RUBCN: variants seen among roughly 807,000 people sequenced by gnomAD.
RUBCN encodes rubicon autophagy regulator, also known as run domain Beclin-1-interacting and cysteine-rich domain-containing protein.
In RUBCN, 74 loss-of-function variants were observed where a neutral mutation model predicts 113.2. That is an observed-to-expected ratio of 0.65 (90% CI 0.54 to 0.79). The LOEUF (loss-of-function observed/expected upper bound fraction) is 0.79. Ranked by LOEUF, RUBCN falls within the 30% of genes least tolerant of loss-of-function variation. RUBCN has a pLI of 0.00. For missense variants in RUBCN, 1,109 were observed against 1,251.7 expected, an observed-to-expected ratio of 0.89 and a Z score of 1.72; for synonymous variants, 480 against 490.0, an observed-to-expected ratio of 0.98 and a Z score of 0.27.
chr3:197,692,135 G>A (rs1722491898), intron 11 of RUBCN, among the ~76,000 whole-genome samples: 1 of 151,972 alleles, frequency 6.6e-6, no homozygotes, highest in African/African-American at 2.4e-5. Context: ...AGGGGAGAGG[G>A]ATCGAAGACT....
chr3:197,749,458 G>A (rs1303296194), exon 1 of RUBCN: 6 of 1,268,692 alleles, frequency 4.7e-6, no homozygotes, highest in South Asian at 3.8e-5. Context: ...GCTGTAGGTG[G>A]AGGAGCGTGC....
intron 18 of RUBCN, chr3:197,676,487 T>C: frequency 4.6e-6 from 3 of 653,472 alleles, no homozygotes; most frequent in Non-Finnish European, 6.0e-6. Context: ...CTAATTTCTG[T>C]ATTTTAGTAG....
intron 2 of RUBCN, among the ~76,000 whole-genome samples, chr3:197,715,963 G>A (rs1725469240): frequency 6.6e-6 from 1 of 151,890 alleles, no homozygotes; most frequent in Non-Finnish European, 1.5e-5. Flanking sequence ...AGAATCACAG[G>A]AAGAGCTGAT....
At chr3:197,693,170 A>G (rs994943437) in intron 11 of RUBCN, among the ~76,000 whole-genome samples, 8 of 152,162 alleles carry the variant, frequency 5.3e-5, no homozygotes, top group African/African-American at 1.7e-4. Context: ...CTGTTCCTCT[A>G]TGCTGATACT....
intron 16 of RUBCN, among the ~76,000 whole-genome samples, 197 bp from the exon 17 acceptor site, chr3:197,677,738 C>T (rs1336453258): frequency 2.6e-5 from 4 of 151,948 alleles, no homozygotes; most frequent in African/African-American, 7.3e-5. Flanking sequence ...GATTGTCCCA[C>T]ACTCTGACTG....
chr3:197,717,758 T>G (rs1725707696), intron 2 of RUBCN, among the ~76,000 whole-genome samples: 1 of 152,202 alleles, frequency 6.6e-6, no homozygotes, highest in Non-Finnish European at 1.5e-5. Flanking sequence ...AATCTTTTGT[T>G]GCTGATTTGC....
At chr3:197,733,297 ACT>A (rs1580393781) in intron 1 of RUBCN, among the ~76,000 whole-genome samples, 1 of 152,014 alleles carries the variant, frequency 6.6e-6, no homozygotes, top group Non-Finnish European at 1.5e-5. Context: ...ACATGGTGAG[ACT>A]CTGTCACTAC....
chr3:197,738,261 A>G (rs146348022), upstream of RUBCN, among the ~76,000 whole-genome samples: 37 of 152,366 alleles, frequency 2.4e-4, no homozygotes, highest in East Asian at 7.1e-3. Flanking sequence ...AAGGAGGCTC[A>G]GATTACAGCA....
Position 197,694,478 on chromosome 3 carries a change from G to A in RUBCN, c.1581C>T (p.Asp527=). ...CLEEEEVEEE[D]SDREIQELKQ... ...TCAGCTCCTGGATCTCTCTATCACT[G>A]TCTTCCTCTTCCACTTCCTCCTCCT... Residue 527 remains aspartate, a synonymous_variant, in exon 10 of 20, where the codon GAC becomes GAT. Coordinates refer to ENST00000296343, the MANE Select transcript of RUBCN (RefSeq NM_014687.4). The A allele has an allele frequency of 6.2e-7, 1 of 1,614,158 alleles. No homozygotes were observed. The highest frequency in any genetic ancestry group is 8.5e-7 in the Non-Finnish European group (1 of 1,180,004).
At chr3:197,717,201 A>G (rs372118200) in intron 2 of RUBCN, among the ~76,000 whole-genome samples, 18 of 151,758 alleles carry the variant, frequency 1.2e-4, no homozygotes, top group Non-Finnish European at 2.4e-4. Flanking sequence ...TTGGGAGGCC[A>G]AGGTGGGCAG....
Position 197,681,759 on chromosome 3 carries a change from C to T in RUBCN, c.2191+76G>A. On this transcript the variant is annotated intron_variant, in intron 15 of 19. Coordinates refer to ENST00000296343, the MANE Select transcript of RUBCN (RefSeq NM_014687.4). This position sits in a 1 kb window ranked among gnomAD's most constrained non-coding sequence, Gnocchi z 5.5. ...CGCCACCTCCTGCTACCGCCTTTGA[C>T]ACGCCACCTCTCCCTACGTGTCGGG... 1.5e-6 allele frequency: 2 copies of T among 1,342,680 alleles called. No individual in the cohort carries two copies. Among genetic ancestry groups the T allele is most frequent in the Non-Finnish European group, 2.1e-6 (2 of 932,674 alleles). The allele number at this position is 1,342,680 out of a possible 1,614,324, so 83.2% of individuals were successfully genotyped here. A position where few individuals can be genotyped will look rare whatever the true frequency, so the allele number is the denominator to read the frequency against.
intron 2 of RUBCN, among the ~76,000 whole-genome samples, chr3:197,709,702 T>C (rs1340342561): frequency 6.6e-6 from 1 of 152,036 alleles, no homozygotes; most frequent in Non-Finnish European, 1.5e-5. Context: ...ATATTAAAAC[T>C]GAGTGGTGAT....
intron 16 of RUBCN, 23 bp from the exon 17 acceptor site, chr3:197,677,564 A>T (rs544352129): frequency 6.2e-7 from 1 of 1,609,814 alleles, no homozygotes; most frequent in African/African-American, 1.3e-5. Flanking sequence ...AGAGGGGGGC[A>T]GGAGTGGGAG....
chr3:197,708,191 A>G (rs893875333), intron 2 of RUBCN, among the ~76,000 whole-genome samples: 12 of 151,788 alleles, frequency 7.9e-5, no homozygotes, highest in Admixed American at 5.9e-4. Context: ...GCTGGAGTGC[A>G]ATGGTGCAAT....
chr3:197,690,034 A>G lies in RUBCN; in HGVS notation c.1786+3681T>C, dbSNP rs114299182. The stretch of plus-strand genomic sequence containing the variant: ...AGATCAACTTTTTTAGCTCCCACAT[A>G]TGAGTGAGAACACGGGAGCTCCTGT... On this transcript the variant is annotated intron_variant, in intron 11 of 19. Transcript: ENST00000296343. 7.0e-3 allele frequency among the ~76,000 whole-genome samples: 1,073 copies of G among 152,314 alleles called. 10 individuals carry two copies. The highest frequency in any genetic ancestry group is 0.024 in the African/African-American group (1,010 of 41,572).
intron 11 of RUBCN, chr3:197,691,154 T>C (rs1323332159): frequency 7.9e-7 from 1 of 1,269,222 alleles, no homozygotes; most frequent in Non-Finnish European, 1.0e-6. Context: ...ACCATCTGTG[T>C]AATAATGATG....
intron 1 of RUBCN, among the ~76,000 whole-genome samples, chr3:197,723,315 A>G (rs559000631): frequency 6.6e-6 from 1 of 151,962 alleles, no homozygotes; most frequent in East Asian, 1.9e-4. Flanking sequence ...GAGTAGTTGG[A>G]ATTAGAGTTA....
At chr3:197,710,788 AAT>A (rs1156734635) in intron 2 of RUBCN, among the ~76,000 whole-genome samples, 1 of 152,166 alleles carries the variant, frequency 6.6e-6, no homozygotes, top group Non-Finnish European at 1.5e-5. Flanking sequence ...TGACACTTAT[AAT>A]ATCTTTTCAT....
intron 2 of RUBCN, among the ~76,000 whole-genome samples, chr3:197,717,164 G>C (rs961553828): frequency 2.6e-5 from 4 of 151,594 alleles, no homozygotes; most frequent in Admixed American, 6.6e-5. Flanking sequence ...GCTGGGTGCG[G>C]TGGCTCACGC....
Sources: gnomAD v4.1 joint callset for allele counts (sites outside exome capture counted in the v4.1 genomes callset) on GRCh38, gnomAD v4.1.1 for gene constraint, Gnocchi (gnomAD v3.1) non-coding constraint, MANE v1.5 for transcripts, NCBI Gene and HGNC (gene_info 2026-07-23, HGNC 2026-07-21) for gene names.